GALNT9: variants seen among roughly 807,000 people sequenced by gnomAD.
GALNT9 encodes the protein polypeptide N-acetylgalactosaminyltransferase 9, also known as GalNAc transferase 9.
A neutral mutation model predicts 63.1 loss-of-function variants in GALNT9; 47 were observed. The observed-to-expected ratio is 0.75, with a 90% confidence interval of 0.59 to 0.95. GALNT9 has a LOEUF of 0.95. Among genes scored for constraint, GALNT9 ranks in the 40% least tolerant of loss-of-function variants. The pLI, the probability that GALNT9 is intolerant of heterozygous loss-of-function variation, is 0.00. For missense variants in GALNT9, 829 were observed against 874.8 expected (o/e 0.95, Z 0.66); for synonymous variants, 396 against 365.7 (o/e 1.08, Z -0.94).
At chr12:132,267,035 G>A (rs922452758) in intron 2 of GALNT9, among the ~76,000 whole-genome samples, 5 of 152,240 alleles carry the variant, frequency 3.3e-5, no homozygotes, top group East Asian at 3.8e-4. Context: ...GGTGTGATCC[G>A]CGTCTGGATG....
At chr12:132,251,044 A>G (rs947788771) in intron 5 of GALNT9, among the ~76,000 whole-genome samples, 2 of 152,218 alleles carry the variant, frequency 1.3e-5, no homozygotes, top group African/African-American at 4.8e-5. Flanking sequence ...GCGTCCTTCC[A>G]CACGGAGTTT....
intron 1 of GALNT9, among the ~76,000 whole-genome samples, chr12:132,304,882 C>G (rs1555244437): frequency 2.2e-5 from 1 of 45,516 alleles, no homozygotes; most frequent in Non-Finnish European, 3.9e-5. Context: ...GACACACCCT[C>G]ACCGGGGCAC....
At chr12:132,302,083 A>G (rs1041078611) in intron 1 of GALNT9, among the ~76,000 whole-genome samples, 4 of 152,214 alleles carry the variant, frequency 2.6e-5, no homozygotes, top group Non-Finnish European at 5.9e-5. Context: ...AGATAGAGAA[A>G]TTTCATGAAT....
In GALNT9 at chr12:132,247,940, A is replaced by G. The variant is rs2135534911; in HGVS notation, c.1047T>C (p.Tyr349=). 6.4e-7 allele frequency: 1 copy of G among 1,551,508 alleles called. No individual in the cohort carries two copies. Among genetic ancestry groups the G allele is most frequent in the Non-Finnish European group, 8.7e-7 (1 of 1,147,016 alleles). ...TGCCCAGTTCTACGTTCTCGCCGCC[A>G]TACACCTCCATGCCGGGGTCCAGCA... ...IGLLDPGMEV[Y]GGENVELGMR... The change falls in exon 6 of 11, where the codon TAT becomes TAC. Residue 349 remains tyrosine (Y), a synonymous_variant. Transcript: ENST00000328957.
intron 6 of GALNT9, among the ~76,000 whole-genome samples, chr12:132,225,413 CCA>C (rs1234917581): frequency 1.4e-5 from 2 of 146,280 alleles, no homozygotes; most frequent in South Asian, 2.2e-4. Context: ...ACCACACAAC[CCA>C]CACACTATAT....
intron 7 of GALNT9, among the ~76,000 whole-genome samples, chr12:132,202,862 T>C (rs1212876135): frequency 6.6e-6 from 1 of 152,096 alleles, no homozygotes; most frequent in African/African-American, 2.4e-5. Context: ...TCAGGCTCTT[T>C]ATGGGAAATT....
At chr12:132,311,970 A>G (rs1881829814) in intron 1 of GALNT9, among the ~76,000 whole-genome samples, 1 of 152,228 alleles carries the variant, frequency 6.6e-6, no homozygotes, top group South Asian at 2.1e-4. Flanking sequence ...GAAGATAAAA[A>G]AGAGAGACCC....
chr12:132,244,810 A>ATGGTGATGGAGTTGGACGGGGGCG (rs1878646181), intron 6 of GALNT9, among the ~76,000 whole-genome samples: 1 of 67,162 alleles, frequency 1.5e-5, no homozygotes, highest in Non-Finnish European at 2.9e-5. Flanking sequence ...GACGGGCAGC[A>ATGGTGATGGAGTTGGACGGGGGCG]TGGTGATGGA....
At chr12:132,260,556 A>G (rs1593090186) in intron 4 of GALNT9, among the ~76,000 whole-genome samples, 1 of 151,804 alleles carries the variant, frequency 6.6e-6, no homozygotes, top group South Asian at 2.1e-4. Flanking sequence ...CCTTAGCCCC[A>G]CCCCACCTGA....
At chr12:132,283,423 A>C (rs1264598755) in intron 2 of GALNT9, 1 of 152,316 alleles carries the variant, frequency 6.6e-6, no homozygotes, top group Non-Finnish European at 1.5e-5. Context: ...TGTTGCTGTG[A>C]GCAGGAAAGG....
intron 6 of GALNT9, among the ~76,000 whole-genome samples, chr12:132,235,202 C>T (rs965117015): frequency 7.0e-6 from 1 of 142,896 alleles, no homozygotes; most frequent in Non-Finnish European, 1.5e-5. Context: ...CACTCGATGG[C>T]GTGAGAGAGG....
intron 1 of GALNT9, among the ~76,000 whole-genome samples, chr12:132,309,197 G>GA (rs782384363): frequency 2.6e-5 from 4 of 152,216 alleles, no homozygotes; most frequent in Non-Finnish European, 5.9e-5. Context: ...TGAAACCCTG[G>GA]AGTTTCCACT....
At chr12:132,325,557 G>C (rs1869001963) in intron 1 of GALNT9, among the ~76,000 whole-genome samples, 2 of 152,194 alleles carry the variant, frequency 1.3e-5, no homozygotes, top group South Asian at 4.1e-4. Context: ...CAACTGGCTG[G>C]CCACAGTGGG....
At chr12:132,258,567 T>A (rs1303840382) in intron 4 of GALNT9, among the ~76,000 whole-genome samples, 1 of 152,118 alleles carries the variant, frequency 6.6e-6, no homozygotes, top group Non-Finnish European at 1.5e-5. Flanking sequence ...GGGTAGTGAC[T>A]GGAAGGAGGC....
chr12:132,323,019 G>T (rs1868875381), intron 1 of GALNT9, among the ~76,000 whole-genome samples: 1 of 152,188 alleles, frequency 6.6e-6, no homozygotes, highest in Non-Finnish European at 1.5e-5. Flanking sequence ...GCGCCTCCCG[G>T]CTTCTCCACC....
intron 1 of GALNT9, among the ~76,000 whole-genome samples, chr12:132,320,885 C>G (rs1868756234): frequency 6.6e-6 from 1 of 152,232 alleles, no homozygotes; most frequent in African/African-American, 2.4e-5. Flanking sequence ...CCGGGCATCC[C>G]CCCTTTACAG....
intron 2 of GALNT9, among the ~76,000 whole-genome samples, chr12:132,263,782 A>T (rs1555239971): frequency 6.6e-6 from 1 of 152,320 alleles, no homozygotes; most frequent in East Asian, 1.9e-4. Context: ...CCCCACAGGC[A>T]CCGGCTGGGC....
At chr12:132,223,192 CCCCACAT>C (rs2135521676) in intron 6 of GALNT9, among the ~76,000 whole-genome samples, 1 of 125,730 alleles carries the variant, frequency 8.0e-6, no homozygotes, top group Non-Finnish European at 1.7e-5. Flanking sequence ...ACAACCCACA[CCCCACAT>C]ACACCCTACA....
chr12:132,321,910 G>A (rs1368413272), intron 1 of GALNT9, among the ~76,000 whole-genome samples: 1 of 151,960 alleles, frequency 6.6e-6, no homozygotes, highest in Non-Finnish European at 1.5e-5. Context: ...GAAGGCAGTG[G>A]GTAAGACACA....
Sources: gnomAD v4.1 joint callset for allele counts (sites outside exome capture counted in the v4.1 genomes callset) on GRCh38, gnomAD v4.1.1 for gene constraint, MANE v1.5 for transcripts, NCBI Gene and HGNC (gene_info 2026-07-23, HGNC 2026-07-21) for gene names.